Variants in KCNK5 observed in about 807,000 individuals in gnomAD.
The protein encoded by KCNK5 is potassium channel subfamily K member 5.
Under a neutral mutation model 32.9 loss-of-function variants are expected in KCNK5, and 18 were observed. The observed-to-expected ratio is 0.55, with a 90% CI of 0.38 to 0.81. KCNK5 has a LOEUF of 0.81. Among genes scored for constraint, KCNK5 ranks in the 30% least tolerant of loss-of-function variants. KCNK5 has a pLI of 0.00. For missense variants in KCNK5, 507 were observed against 651.0 expected, an observed-to-expected ratio of 0.78 and a Z score of 2.41; for synonymous variants, 276 against 275.3, an observed-to-expected ratio of 1.00 and a Z score of -0.03.
chr6:39,213,555 C>T (rs1157018055), intron 1 of KCNK5, among the ~76,000 whole-genome samples: 1 of 152,150 alleles, frequency 6.6e-6, no homozygotes, highest in Non-Finnish European at 1.5e-5. Flanking sequence ...TAAGGGTCTC[C>T]CATGCCACAG....
chr6:39,204,259 CT>C (rs34386686), intron 1 of KCNK5, among the ~76,000 whole-genome samples: 2 of 152,234 alleles, frequency 1.3e-5, no homozygotes, highest in East Asian at 3.9e-4. Flanking sequence ...TGGCTGGAGG[CT>C]TTGGTGTGCT....
At chr6:39,212,625 A>G (rs1771361656) in intron 1 of KCNK5, among the ~76,000 whole-genome samples, 1 of 152,228 alleles carries the variant, frequency 6.6e-6, no homozygotes, top group Non-Finnish European at 1.5e-5. Flanking sequence ...CAGTGGGTCC[A>G]AGGCTGCACT....
chr6:39,200,327 C>T (rs1259089159), intron 1 of KCNK5, among the ~76,000 whole-genome samples: 2 of 152,140 alleles, frequency 1.3e-5, no homozygotes, highest in African/African-American at 4.8e-5. Context: ...AGTAGAGTTC[C>T]CTGTCTCCAT....
chr6:39,221,559 C>A (rs574326060), intron 1 of KCNK5, among the ~76,000 whole-genome samples: 1 of 152,342 alleles, frequency 6.6e-6, no homozygotes, highest in East Asian at 1.9e-4. Flanking sequence ...GCTCACAGGG[C>A]TACTGCCCAT....
At chr6:39,218,900 T>A (rs1418395491) in intron 1 of KCNK5, among the ~76,000 whole-genome samples, 2 of 152,168 alleles carry the variant, frequency 1.3e-5, no homozygotes, top group Non-Finnish European at 2.9e-5. Flanking sequence ...CAAGGGGATG[T>A]TTTTCTCCTG....
In KCNK5 at chr6:39,194,381, G is replaced by A. The variant is rs764871261; in HGVS notation, c.466-44C>T. The A allele has an allele frequency of 1.9e-5, 30 of 1,558,218 alleles. No homozygotes were observed. In the East Asian group the frequency reaches 6.1e-4, roughly 32 times the overall value. On this transcript the variant is annotated intron_variant, in intron 3 of 4. Coordinates refer to ENST00000359534, the MANE Select transcript of KCNK5 (RefSeq NM_003740.4). The surrounding 1 kb of genome is among the most constrained non-coding windows in gnomAD (Gnocchi z 4.7). ...CCAAGTCAGAGAATAGTGGAGACTTGGAAACCCAGCAAAGGCACCCAGAGG... is the reference window on the plus strand; with the variant it reads ...CCAAGTCAGAGAATAGTGGAGACTTAGAAACCCAGCAAAGGCACCCAGAGG...
chr6:39,195,874 A>G lies in KCNK5; in HGVS notation c.298+2T>C. 8 of 1,611,858 alleles carry G rather than the reference A, an allele frequency of 5.0e-6. No individual in the cohort carries two copies. The highest frequency in any genetic ancestry group is 6.8e-6 in the Non-Finnish European group (8 of 1,178,154). On this transcript the variant is annotated splice_donor_variant, in intron 2 of 4. Coordinates refer to ENST00000359534, the MANE Select transcript of KCNK5 (RefSeq NM_003740.4). LOFTEE classifies it high-confidence loss of function. ...GTGTCCTACAGGTCCCAGAAGACTT[A>G]CCAATGGTGGTAATGACGGTCGCTG...
chr6:39,192,283 C>A (rs1340501524), intron 4 of KCNK5, among the ~76,000 whole-genome samples: 87 of 46,714 alleles, frequency 1.9e-3, no homozygotes, highest in African/African-American at 2.5e-3. Context: ...GACTCCGTCT[C>A]AAAAAAAAAA....
At chr6:39,217,492 C>T (rs542913187) in intron 1 of KCNK5, among the ~76,000 whole-genome samples, 15 of 152,208 alleles carry the variant, frequency 9.9e-5, no homozygotes, top group Non-Finnish European at 2.9e-5. Flanking sequence ...TGGGGCACTG[C>T]TTCCAAGAAG....
chr6:39,226,359 A>G (rs1771670605), intron 1 of KCNK5, among the ~76,000 whole-genome samples: 1 of 152,312 alleles, frequency 6.6e-6, no homozygotes, highest in Middle Eastern at 3.4e-3. Flanking sequence ...CCTGCACCTC[A>G]CTTCAACCAC....
chr6:39,215,857 T>G (rs937542564), intron 1 of KCNK5, among the ~76,000 whole-genome samples: 1 of 152,182 alleles, frequency 6.6e-6, no homozygotes, highest in African/African-American at 2.4e-5. Context: ...CAGCAGGCGT[T>G]AGAAGCAGTA....
chr6:39,217,690 G>A (rs547909084), intron 1 of KCNK5, among the ~76,000 whole-genome samples: 10 of 152,312 alleles, frequency 6.6e-5, no homozygotes, highest in Non-Finnish European at 4.4e-5. Context: ...TTGCCGCCAC[G>A]AGAAATGCCC....
intron 1 of KCNK5, among the ~76,000 whole-genome samples, chr6:39,208,670 G>A (rs763629219): frequency 1.3e-5 from 2 of 152,224 alleles, no homozygotes; most frequent in Admixed American, 6.5e-5. Flanking sequence ...TTCTGTGCAG[G>A]GGGGGAGGGG....
rs1378688007 is a variant in KCNK5 at position 39,191,398 on chromosome 6, C to T, written c.992G>A (p.Gly331Asp). The T allele has an allele frequency of 6.2e-7, 1 of 1,613,388 alleles. No individual in the cohort carries two copies. The highest frequency in any genetic ancestry group is 8.5e-7 in the Non-Finnish European group (1 of 1,180,004). The change falls in exon 5 of 5, where the codon GGC becomes GAC. Residue 331 changes from glycine to aspartate, a missense_variant. Gly to Asp is a moderately conservative substitution (Grantham distance 94). This residue lies in a region of KCNK5 where 252 missense variants were observed against 250.8 expected (regional missense o/e 1.00). Coordinates refer to ENST00000359534, the MANE Select transcript of KCNK5 (RefSeq NM_003740.4). This position sits in a 1 kb window ranked among gnomAD's most constrained non-coding sequence, Gnocchi z 5.8. ...AGGGGGCAGTGCTGGGAGCCCACCG[C>T]CTTGAGGCCCCAGCCCTGGGCCCGG... is the stretch of plus-strand genomic sequence containing the variant. ...TGPGPGLGPQGGGLPALPPSL... is the reference protein window; with the variant it reads ...TGPGPGLGPQDGGLPALPPSL...
chr6:39,228,725 G>A (rs1163675848), intron 1 of KCNK5, among the ~76,000 whole-genome samples: 2 of 152,146 alleles, frequency 1.3e-5, no homozygotes, highest in African/African-American at 4.8e-5. Flanking sequence ...AAGAGTCTCC[G>A]CGCCTGGGGG....
chr6:39,226,220 G>A (rs552813331), intron 1 of KCNK5, among the ~76,000 whole-genome samples: 59 of 152,292 alleles, frequency 3.9e-4, no homozygotes, highest in African/African-American at 1.3e-3. Context: ...CTGCAATTTA[G>A]GAAGAGGTTG....
At chr6:39,207,076 G>A (rs1012538697) in intron 1 of KCNK5, among the ~76,000 whole-genome samples, 1 of 152,188 alleles carries the variant, frequency 6.6e-6, no homozygotes, top group Non-Finnish European at 1.5e-5. Context: ...CTGGGCATGG[G>A]CCAGTCCCTC....
In KCNK5 at chr6:39,190,747, G is replaced by A. The variant is rs1409026083; in HGVS notation, c.*143C>T. 1 of 735,498 alleles carries A rather than the reference G, an allele frequency of 1.4e-6. No individual in the cohort carries two copies. 45.6% of individuals were successfully genotyped at this position (735,498 alleles called of 1,614,324 possible). A position where few individuals can be genotyped will look rare whatever the true frequency, so the allele number is the denominator to read the frequency against. On this transcript the variant is annotated 3_prime_UTR_variant, in exon 5 of 5. Transcript: ENST00000359534. ...GGCATACATCTAGCTGAGGATGATGGAAGGTTAGGAAGGCCCCTGGCCCCC... is the reference window on the plus strand; with the variant it reads ...GGCATACATCTAGCTGAGGATGATGAAAGGTTAGGAAGGCCCCTGGCCCCC...
At chr6:39,209,380 T>C (rs1771287811) in intron 1 of KCNK5, among the ~76,000 whole-genome samples, 1 of 152,184 alleles carries the variant, frequency 6.6e-6, no homozygotes, top group African/African-American at 2.4e-5. Context: ...TCTTCTGCCC[T>C]GTATGCATTG....
Sources: gnomAD v4.1 joint callset for allele counts (sites outside exome capture counted in the v4.1 genomes callset) on GRCh38, gnomAD v4.1.1 for gene constraint, gnomAD v4.1.1 regional missense constraint, Gnocchi (gnomAD v3.1) non-coding constraint, MANE v1.5 for transcripts, NCBI Gene and HGNC (gene_info 2026-07-23, HGNC 2026-07-21) for gene names.